ROBO1: variants seen among roughly 807,000 people sequenced by gnomAD.
The protein encoded by ROBO1 is roundabout guidance receptor 1, also known as roundabout homolog 1.
Under a neutral mutation model 195.9 loss-of-function variants are expected in ROBO1, and 149 were observed. That is an observed-to-expected ratio of 0.76 (90% CI 0.67 to 0.87). The LOEUF is 0.87. Ranked by LOEUF, ROBO1 falls within the 40% of genes least tolerant of loss-of-function variation. The pLI is 0.00. For missense variants in ROBO1, 1,933 were observed against 2,068.3 expected, an observed-to-expected ratio of 0.93 and a Z score of 1.27; for synonymous variants, 816 against 733.2, an observed-to-expected ratio of 1.11 and a Z score of -1.82.
intron 2 of ROBO1, among the ~76,000 whole-genome samples, chr3:79,298,354 A>G (rs975856279): frequency 6.6e-6 from 1 of 152,034 alleles, no homozygotes; most frequent in East Asian, 1.9e-4. Context: ...TTCTTTTTAA[A>G]AATGGTCTGT....
intron 4 of ROBO1, among the ~76,000 whole-genome samples, chr3:78,936,876 T>A (rs2039840849): frequency 6.6e-6 from 1 of 152,090 alleles, no homozygotes; most frequent in Non-Finnish European, 1.5e-5. Context: ...AAAAGCAAAC[T>A]AGCCTTCTGT....
intron 2 of ROBO1, among the ~76,000 whole-genome samples, chr3:79,519,273 T>C (rs1427905081): frequency 6.6e-6 from 1 of 152,032 alleles, no homozygotes; most frequent in African/African-American, 2.4e-5. Context: ...TCTTTCATCT[T>C]TTACTGGTCA....
rs1706947457 is a variant in ROBO1, at chr3:78,655,471, T to C, written c.2614+1627A>G. The stretch of plus-strand genomic sequence containing the variant: ...CCCAGGGTCCACTTCAGAAGCCCCA[T>C]GATAAAGAGGCTAACCCATCCGCCT... On this transcript the variant is annotated intron_variant, in intron 18 of 30. Coordinates refer to ENST00000464233, the MANE Select transcript of ROBO1 (RefSeq NM_002941.4). Among the ~76,000 whole-genome samples, 5 of 152,158 alleles carry C rather than the reference T, an allele frequency of 3.3e-5. No individual in the cohort carries two copies. In the South Asian group the frequency reaches 8.3e-4, roughly 25 times the overall value.
intron 4 of ROBO1, among the ~76,000 whole-genome samples, chr3:78,908,839 A>G (rs551128843): frequency 2.6e-5 from 4 of 151,876 alleles, no homozygotes; most frequent in Non-Finnish European, 5.9e-5. Context: ...AGTCTTTTTA[A>G]CAGGCCTTAG....
intron 2 of ROBO1, among the ~76,000 whole-genome samples, chr3:79,359,808 G>A (rs1277318380): frequency 6.6e-6 from 1 of 151,872 alleles, no homozygotes; most frequent in African/African-American, 2.4e-5. Flanking sequence ...GCACCAGGAT[G>A]CCAGGAATAC....
At chr3:79,292,264 A>G (rs1174852450) in intron 2 of ROBO1, among the ~76,000 whole-genome samples, 1 of 152,208 alleles carries the variant, frequency 6.6e-6, no homozygotes, top group Non-Finnish European at 1.5e-5. Flanking sequence ...TATCAGCTTA[A>G]GGATATTTGG....
chr3:79,534,968 A>T (rs1289920733), intron 2 of ROBO1, among the ~76,000 whole-genome samples: 1 of 152,116 alleles, frequency 6.6e-6, no homozygotes. Context: ...TTTGCAAATC[A>T]TGATCCACTG....
chr3:79,741,163 C>A (rs993097556), intron 1 of ROBO1, among the ~76,000 whole-genome samples: 19 of 152,182 alleles, frequency 1.2e-4, no homozygotes, highest in African/African-American at 4.6e-4. Flanking sequence ...CTAGGGCTAC[C>A]TGCTGCAGGA....
In ROBO1 at chr3:79,736,025, C is replaced by A. The variant is rs141081024; in HGVS notation, c.-51+31727G>T. 1.4e-4 allele frequency among the ~76,000 whole-genome samples: 22 copies of A among 152,062 alleles called. No homozygotes were observed. The East Asian group carries it at 3.3e-3, about 23-fold the overall frequency. On this transcript the variant is annotated intron_variant, in intron 1 of 30. Coordinates refer to ENST00000464233, the MANE Select transcript of ROBO1 (RefSeq NM_002941.4). ...AAATAAGATTTTGTTTTTTGTAAAG[C>A]TCCATTCTACAGTGCGTGTGTAAAA... is the stretch of plus-strand genomic sequence containing the variant.
At chr3:79,673,580 T>C (rs1441785057) in intron 1 of ROBO1, among the ~76,000 whole-genome samples, 1 of 151,960 alleles carries the variant, frequency 6.6e-6, no homozygotes, top group Non-Finnish European at 1.5e-5. Context: ...CACAGTCCTG[T>C]GTGAGAGGTT....
intron 3 of ROBO1, among the ~76,000 whole-genome samples, chr3:78,972,344 T>G (rs771692903): frequency 6.6e-6 from 1 of 152,196 alleles, no homozygotes; most frequent in Non-Finnish European, 1.5e-5. Context: ...CTACATAGTA[T>G]AATCATAACA....
At chr3:79,330,762 A>T (rs1337947920) in intron 2 of ROBO1, among the ~76,000 whole-genome samples, 1 of 152,000 alleles carries the variant, frequency 6.6e-6, no homozygotes, top group Non-Finnish European at 1.5e-5. Flanking sequence ...AGTCATTGGA[A>T]ATAAGACATT....
At chr3:79,644,908 A>T (rs2106698697) in intron 1 of ROBO1, among the ~76,000 whole-genome samples, 1 of 152,266 alleles carries the variant, frequency 6.6e-6, no homozygotes, top group South Asian at 2.1e-4. Context: ...CAACAAGAGG[A>T]TTATAAGAAA....
At chr3:79,282,989 C>G (rs1256390533) in intron 2 of ROBO1, among the ~76,000 whole-genome samples, 1 of 152,160 alleles carries the variant, frequency 6.6e-6, no homozygotes, top group Non-Finnish European at 1.5e-5. Flanking sequence ...TGCTGCACAT[C>G]AAACCCAGAA....
chr3:79,436,103 A>C (rs2038878152), intron 2 of ROBO1, among the ~76,000 whole-genome samples: 1 of 152,172 alleles, frequency 6.6e-6, no homozygotes, highest in Admixed American at 6.6e-5. Context: ...ATAAGTTCTC[A>C]GTACAAAAGA....
intron 20 of ROBO1, among the ~76,000 whole-genome samples, chr3:78,647,235 G>C (rs191873984): frequency 6.6e-5 from 10 of 152,052 alleles, no homozygotes. Flanking sequence ...ATTGATTCTG[G>C]GGACAGAGAA....
intron 2 of ROBO1, 80 bp from the exon 3 acceptor site, chr3:79,125,619 C>T: frequency 2.9e-6 from 3 of 1,032,536 alleles, no homozygotes; most frequent in Non-Finnish European, 4.5e-6. Context: ...CATGTCCAGA[C>T]ACAAGTAAAT....
chr3:79,293,726 C>T (rs2032399467), intron 2 of ROBO1, among the ~76,000 whole-genome samples: 2 of 152,008 alleles, frequency 1.3e-5, no homozygotes, highest in African/African-American at 4.8e-5. Flanking sequence ...CAATGCTATC[C>T]CCATCAAGCT....
At chr3:79,406,941 CAGAGTCTGGCTCTGTTGCCCAGACT>C (rs1405975235) in intron 2 of ROBO1, among the ~76,000 whole-genome samples, 1 of 151,882 alleles carries the variant, frequency 6.6e-6, no homozygotes, top group Non-Finnish European at 1.5e-5. Context: ...TTTTTTGAGA[CAGAGTCTGGCTCTGTTGCCCAGACT>C]AGAGTACAGT....
Sources: allele counts gnomAD v4.1 joint callset (sites outside exome capture counted in the v4.1 genomes callset), GRCh38; gene constraint gnomAD v4.1.1; transcripts MANE v1.5; gene names NCBI Gene and HGNC (gene_info 2026-07-23, HGNC 2026-07-21).